COL14A1: variants seen among roughly 807,000 people sequenced by gnomAD.
COL14A1 encodes the protein collagen type XIV alpha 1 chain.
Under a neutral mutation model 230.3 loss-of-function variants are expected in COL14A1, and 136 were observed. The ratio of observed to expected loss-of-function variants is 0.59; its 90% CI spans 0.51 to 0.68. COL14A1 has a LOEUF of 0.68. Ranked by LOEUF, COL14A1 falls within the 30% of genes least tolerant of loss-of-function variation. The pLI is 0.00. For missense variants in COL14A1, 1,976 were observed against 2,215.8 expected (o/e 0.89, Z 2.17); for synonymous variants, 792 against 784.1 (o/e 1.01, Z -0.17).
At chr8:120,165,633 A>G (rs1815840099) in intron 4 of COL14A1, among the ~76,000 whole-genome samples, 2 of 152,164 alleles carry the variant, frequency 1.3e-5, no homozygotes, top group African/African-American at 4.8e-5. Context: ...AGGAAGACAT[A>G]TATATCTTAT....
intron 7 of COL14A1, among the ~76,000 whole-genome samples, chr8:120,198,841 C>T (rs1201663081): frequency 6.6e-6 from 1 of 152,132 alleles, no homozygotes; most frequent in East Asian, 1.9e-4. Context: ...GAGGCAAAGT[C>T]TCGTGGAATT....
intron 5 of COL14A1, among the ~76,000 whole-genome samples, chr8:120,175,501 A>C (rs1030729145): frequency 6.6e-6 from 1 of 152,114 alleles, no homozygotes; most frequent in African/African-American, 2.4e-5. Context: ...GGTGACTCTC[A>C]GTGTTCTCAT....
intron 1 of COL14A1, among the ~76,000 whole-genome samples, chr8:120,131,844 T>C (rs1287266242): frequency 7.7e-6 from 1 of 129,364 alleles, no homozygotes. Context: ...CTTTCTTTTT[T>C]TTTTTTTTTT....
intron 19 of COL14A1, among the ~76,000 whole-genome samples, chr8:120,236,661 T>C (rs534346134): frequency 4.6e-5 from 7 of 152,318 alleles, no homozygotes; most frequent in African/African-American, 1.4e-4. Flanking sequence ...CCCGTCATTA[T>C]GATGCTAGCT....
At chr8:120,275,282 G>T (rs1819804345) in intron 26 of COL14A1, among the ~76,000 whole-genome samples, 2 of 151,892 alleles carry the variant, frequency 1.3e-5, no homozygotes, top group South Asian at 4.2e-4. Context: ...GGGAAAACTG[G>T]ATAGCCACAT....
intron 5 of COL14A1, 117 bp from the exon 6 acceptor site, chr8:120,196,674 T>C (rs1195135272): frequency 2.0e-6 from 2 of 995,626 alleles, no homozygotes; most frequent in Admixed American, 2.6e-5. Context: ...AGATGGCTGC[T>C]CCTACGGGAA....
At chr8:120,300,656 C>G (rs1428174419) in intron 35 of COL14A1, 76 bp from the exon 36 acceptor site, 5 of 1,050,894 alleles carry the variant, frequency 4.8e-6, no homozygotes, top group East Asian at 4.8e-5. Flanking sequence ...TTAAATCAAA[C>G]TGTTTTCTTT....
chr8:120,224,930 A>G (rs1367936367), intron 14 of COL14A1, among the ~76,000 whole-genome samples, 158 bp from the exon 15 acceptor site: 2 of 152,240 alleles, frequency 1.3e-5, no homozygotes, highest in Non-Finnish European at 2.9e-5. Context: ...AGGGTGTAAG[A>G]TCAGAAATGT....
chr8:120,192,418 G>C (rs1206726229), intron 5 of COL14A1, among the ~76,000 whole-genome samples: 1 of 151,974 alleles, frequency 6.6e-6, no homozygotes, highest in South Asian at 2.1e-4. Flanking sequence ...GAGATCCACT[G>C]TTAGTCTGAT....
chr8:120,371,791 T>G lies in COL14A1; in HGVS notation c.*560T>G, dbSNP rs1812165027. Reference sequence around the variant, plus strand: ...GTGTATCCAAAAATCAGCATTTGGATTTAAGCTTTCTGAATTTGGTAGTTT... The same window carrying G: ...GTGTATCCAAAAATCAGCATTTGGAGTTAAGCTTTCTGAATTTGGTAGTTT... On this transcript the variant is annotated 3_prime_UTR_variant, in exon 48 of 48. Transcript: ENST00000297848. 5.1e-6 allele frequency: 2 copies of G among 391,696 alleles called. No homozygotes were observed. 24.3% of individuals were successfully genotyped at this position (391,696 alleles called of 1,614,324 possible). A position where few individuals can be genotyped will look rare whatever the true frequency, so the allele number is the denominator to read the frequency against.
intron 15 of COL14A1, among the ~76,000 whole-genome samples, chr8:120,226,127 G>A (rs959823371): frequency 5.9e-5 from 9 of 151,872 alleles, no homozygotes; most frequent in Non-Finnish European, 1.0e-4. Flanking sequence ...ACAGTGGAAG[G>A]CCTGATAAAT....
intron 19 of COL14A1, among the ~76,000 whole-genome samples, chr8:120,243,561 A>G (rs1431212171): frequency 6.6e-6 from 1 of 152,194 alleles, no homozygotes; most frequent in African/African-American, 2.4e-5. Flanking sequence ...CAATCTATAA[A>G]CACCTGCTAT....
chr8:120,328,154 A>G (rs1305035083), intron 40 of COL14A1, among the ~76,000 whole-genome samples: 3 of 152,356 alleles, frequency 2.0e-5, no homozygotes, highest in Non-Finnish European at 2.9e-5. Context: ...CCTCGAAAGA[A>G]GAAGAGAAAG....
At chr8:120,177,386 T>C (rs1015304920) in intron 5 of COL14A1, among the ~76,000 whole-genome samples, 2 of 152,132 alleles carry the variant, frequency 1.3e-5, no homozygotes, top group African/African-American at 2.4e-5. Flanking sequence ...CAGTGACTCA[T>C]GCCTGTAATC....
At chr8:120,301,960 A>G (rs1820727216) in intron 36 of COL14A1, among the ~76,000 whole-genome samples, 1 of 152,060 alleles carries the variant, frequency 6.6e-6, no homozygotes. Flanking sequence ...GATCAGTGAT[A>G]CTGAGCTTTT....
chr8:120,235,463 C>T (rs1818412233), intron 19 of COL14A1, among the ~76,000 whole-genome samples: 1 of 152,008 alleles, frequency 6.6e-6, no homozygotes. Context: ...ACCACCCCTG[C>T]CCCCTTTACC....
At chr8:120,153,348 G>A (rs1484189367) in intron 2 of COL14A1, among the ~76,000 whole-genome samples, 1 of 152,040 alleles carries the variant, frequency 6.6e-6, no homozygotes, top group African/African-American at 2.4e-5. Flanking sequence ...ACACTCAACT[G>A]ATTTTTGTAT....
At position 120,373,045 on chromosome 8, in the gene COL14A1, G is replaced by A. The variant is rs551251741; in HGVS notation, c.*1814G>A. ...GAACTCTTCCAACTTAAATGACTAG[G>A]GTGTGTAATCAGTTGCTTCTTATTC... On this transcript the variant is annotated 3_prime_UTR_variant, in exon 48 of 48. Transcript: ENST00000297848. 3.6e-4 allele frequency among the ~76,000 whole-genome samples: 55 copies of A among 152,144 alleles called. 2 individuals are homozygous for A. The South Asian group carries it at 6.2e-3, about 17-fold the overall frequency.
At chr8:120,320,682 A>G (rs920520966) in intron 40 of COL14A1, among the ~76,000 whole-genome samples, 7 of 152,226 alleles carry the variant, frequency 4.6e-5, no homozygotes, top group South Asian at 4.1e-4. Flanking sequence ...TGTAAATACC[A>G]TCACAAAACT....
Sources: gnomAD v4.1 joint callset for allele counts (sites outside exome capture counted in the v4.1 genomes callset) on GRCh38, gnomAD v4.1.1 for gene constraint, MANE v1.5 for transcripts, NCBI Gene and HGNC (gene_info 2026-07-23, HGNC 2026-07-21) for gene names.